The following ZNF277 variants were observed in gnomAD, a reference collection of about 807,000 sequenced individuals.
ZNF277 encodes the protein zinc finger protein 277.
In ZNF277, 55 loss-of-function variants were observed where a neutral mutation model predicts 60.7. The ratio of observed to expected loss-of-function variants is 0.91; its 90% CI spans 0.73 to 1.13. The LOEUF (loss-of-function observed/expected upper bound fraction) is 1.13. ZNF277 is among the 50% of genes most tolerant of loss of function. The probability of loss-of-function intolerance (pLI) is 0.00; values close to 1 mark genes in which losing one functional copy is unlikely to be tolerated. For missense variants in ZNF277, 510 were observed against 523.0 expected (o/e 0.98, Z 0.24); for synonymous variants, 178 against 179.3 (o/e 0.99, Z 0.06).
intron 1 of ZNF277, among the ~76,000 whole-genome samples, chr7:112,225,198 C>T (rs1403654376): frequency 6.6e-6 from 1 of 152,140 alleles, no homozygotes; most frequent in Non-Finnish European, 1.5e-5. Flanking sequence ...GATGCAGAGC[C>T]ATTGGCTTGA....
chr7:112,233,675 A>G (rs1822402517), intron 1 of ZNF277, among the ~76,000 whole-genome samples: 2 of 152,154 alleles, frequency 1.3e-5, no homozygotes, highest in Admixed American at 6.6e-5. Flanking sequence ...TTGGTTTTCA[A>G]ATTGACTACA....
intron 7 of ZNF277, 43 bp downstream of exon 7, chr7:112,330,259 G>A (rs1008443320): frequency 4.4e-6 from 7 of 1,597,382 alleles, no homozygotes; most frequent in Non-Finnish European, 6.0e-6. Flanking sequence ...TTGCAGTACT[G>A]CAAACAAAAT....
intron 5 of ZNF277, among the ~76,000 whole-genome samples, chr7:112,322,515 A>T (rs1456291055): frequency 1.3e-5 from 2 of 152,074 alleles, no homozygotes; most frequent in East Asian, 3.9e-4. Context: ...GTCTTTTTAA[A>T]AAAAATACTT....
At chr7:112,247,789 G>A (rs1791116982) in intron 1 of ZNF277, among the ~76,000 whole-genome samples, 1 of 151,956 alleles carries the variant, frequency 6.6e-6, no homozygotes, top group Non-Finnish European at 1.5e-5. Context: ...CCAATGTGGT[G>A]AGACCCTGTC....
At chr7:112,327,293 G>A (rs1049023696) in intron 5 of ZNF277, among the ~76,000 whole-genome samples, 9 of 152,110 alleles carry the variant, frequency 5.9e-5, no homozygotes, top group Admixed American at 1.3e-4. Context: ...TAGATCCCTC[G>A]CATGCACAGT....
At chr7:112,296,924 T>TA (rs1252102643) in intron 4 of ZNF277, among the ~76,000 whole-genome samples, 565 of 50,640 alleles carry the variant, frequency 0.011, 8 homozygotes, top group African/African-American at 0.051. Context: ...TTTTTTTTTT[T>TA]TTTTTTTTTT....
chr7:112,330,776 G>A (rs1303527436), intron 7 of ZNF277, among the ~76,000 whole-genome samples: 1 of 151,756 alleles, frequency 6.6e-6, no homozygotes, highest in Non-Finnish European at 1.5e-5. Flanking sequence ...TAGAGACAGG[G>A]TTTCTCCATG....
At chr7:112,288,933 G>A (rs1792135287) in intron 2 of ZNF277, 2 of 126,866 alleles carry the variant, frequency 1.6e-5, no homozygotes, top group Admixed American at 1.9e-4. Flanking sequence ...AGTGCTGCAT[G>A]TGGCAGTCTG....
At position 112,296,474 on chromosome 7, in the gene ZNF277, C is replaced by T. The variant is rs1330316528; in HGVS notation, c.465+163C>T. Among the ~76,000 whole-genome samples, 3 of 149,418 alleles carry T rather than the reference C, an allele frequency of 2.0e-5. No homozygotes were observed. In the East Asian group the frequency reaches 5.9e-4, roughly 29 times the overall value. Reference sequence around the variant, plus strand: ...GGTCTTAAAACAAAAAAAAAGTATACACTTGACTGAAAATTAAAGCGTTTT... The same window carrying T: ...GGTCTTAAAACAAAAAAAAAGTATATACTTGACTGAAAATTAAAGCGTTTT... On this transcript the variant is annotated intron_variant, in intron 4 of 11. Coordinates refer to ENST00000361822, the MANE Select transcript of ZNF277 (RefSeq NM_021994.3).
chr7:112,261,960 T>G (rs1452698929), intron 1 of ZNF277, among the ~76,000 whole-genome samples: 1 of 152,156 alleles, frequency 6.6e-6, no homozygotes, highest in Non-Finnish European at 1.5e-5. Context: ...TTAAAGCACT[T>G]TGCCAAAGGT....
rs188536165 is a variant in ZNF277, at chr7:112,278,092, A to G, written c.92-8781A>G. ...TATTCTCAGAAAACTGAGGCTATCA[A>G]TATAAATCCCTTCACTTTTCCTTAT... On this transcript the variant is annotated intron_variant, in intron 1 of 11. Coordinates refer to ENST00000361822, the MANE Select transcript of ZNF277 (RefSeq NM_021994.3). Among the ~76,000 whole-genome samples the G allele has an allele frequency of 1.7e-4, 26 of 152,306 alleles. No individual in the cohort carries two copies. The South Asian group carries it at 5.0e-3, about 29-fold the overall frequency.
intron 7 of ZNF277, among the ~76,000 whole-genome samples, chr7:112,331,253 G>C (rs1462391142): frequency 6.6e-6 from 1 of 152,036 alleles, no homozygotes; most frequent in Non-Finnish European, 1.5e-5. Context: ...ACAATGACTG[G>C]GGAACTGGGC....
chr7:112,208,674 ATTTTTTTT>A (rs869082099), intron 1 of ZNF277, among the ~76,000 whole-genome samples: 4 of 72,802 alleles, frequency 5.5e-5, no homozygotes, highest in African/African-American at 1.8e-4. Flanking sequence ...GTATGATTTG[ATTTTTTTT>A]TTTTTTTTTT....
chr7:112,231,289 G>A (rs1328482925), intron 1 of ZNF277, among the ~76,000 whole-genome samples: 5 of 151,960 alleles, frequency 3.3e-5, no homozygotes, highest in Non-Finnish European at 2.9e-5. Flanking sequence ...CTCTTAAAAT[G>A]TCAGTGTGTT....
chr7:112,256,063 C>G (rs1224384503), intron 1 of ZNF277, among the ~76,000 whole-genome samples: 5 of 152,136 alleles, frequency 3.3e-5, no homozygotes, highest in African/African-American at 1.2e-4. Context: ...CTTCATCTCT[C>G]TAGTCCTCTC....
intron 2 of ZNF277, chr7:112,288,631 G>A (rs374742875): frequency 6.5e-6 from 1 of 152,968 alleles, no homozygotes; most frequent in East Asian, 1.9e-4. Flanking sequence ...TGGAATGTGA[G>A]GGCGATCTGG....
At chr7:112,243,483 G>GAA (rs570341286) in intron 1 of ZNF277, among the ~76,000 whole-genome samples, 3 of 101,060 alleles carry the variant, frequency 3.0e-5, no homozygotes, top group East Asian at 3.3e-4. Flanking sequence ...AACTAAACAA[G>GAA]AAAAAAAAAA....
intron 1 of ZNF277, among the ~76,000 whole-genome samples, chr7:112,207,055 C>G (rs1055060175): frequency 3.9e-5 from 6 of 152,198 alleles, no homozygotes; most frequent in African/African-American, 1.4e-4. Context: ...TGGCCTTCCC[C>G]TCCGCCGGGG....
At chr7:112,221,405 C>A (rs1822027019) in intron 1 of ZNF277, among the ~76,000 whole-genome samples, 1 of 152,118 alleles carries the variant, frequency 6.6e-6, no homozygotes, top group African/African-American at 2.4e-5. Flanking sequence ...GGAGGAAGGA[C>A]CCCCGGTAAC....
Sources: gnomAD v4.1 joint callset for allele counts (sites outside exome capture counted in the v4.1 genomes callset) on GRCh38, gnomAD v4.1.1 for gene constraint, MANE v1.5 for transcripts, NCBI Gene and HGNC (gene_info 2026-07-23, HGNC 2026-07-21) for gene names.